Variants in ZMIZ1 observed in about 807,000 individuals in gnomAD.
ZMIZ1 encodes zinc finger MIZ domain-containing protein 1.
In ZMIZ1, 17 loss-of-function variants were observed where a neutral mutation model predicts 113.9. The ratio of observed to expected loss-of-function variants is 0.15; its 90% CI spans 0.10 to 0.22. The LOEUF (loss-of-function observed/expected upper bound fraction) is 0.22. Among genes scored for constraint, ZMIZ1 ranks in the 10% least tolerant of loss-of-function variants. The pLI is 1.00. For missense variants in ZMIZ1, 1,059 were observed against 1,477.8 expected (o/e 0.72, Z 4.65); for synonymous variants, 607 against 603.1 (o/e 1.01, Z -0.09).
At chr10:79,094,728 C>T (rs961409300) in intron 1 of ZMIZ1, among the ~76,000 whole-genome samples, 1 of 152,208 alleles carries the variant, frequency 6.6e-6, no homozygotes, top group Non-Finnish European at 1.5e-5. Context: ...GTGAGCGGAT[C>T]GCTTGAGCTC....
intron 8 of ZMIZ1, among the ~76,000 whole-genome samples, chr10:79,289,027 G>A (rs1853285504): frequency 6.6e-6 from 1 of 152,214 alleles, no homozygotes. Flanking sequence ...TGAGGGAATG[G>A]TGGGGTCCGC....
At chr10:79,305,133 G>C (rs1049380617) in intron 19 of ZMIZ1, 31 bp from the exon 20 acceptor site, 1 of 1,613,530 alleles carries the variant, frequency 6.2e-7, no homozygotes, top group African/African-American at 1.3e-5. Context: ...GACAGTCCTG[G>C]TCTCACCTGT....
intron 9 of ZMIZ1, chr10:79,290,649 A>C (rs1171970190): frequency 5.3e-6 from 3 of 564,382 alleles, no homozygotes; most frequent in Non-Finnish European, 1.0e-5. Context: ...GTACAAGAGC[A>C]GCCTCTTCTC....
intron 1 of ZMIZ1, among the ~76,000 whole-genome samples, chr10:79,076,726 A>G (rs1178426729): frequency 6.6e-6 from 1 of 152,078 alleles, no homozygotes; most frequent in East Asian, 1.9e-4. Flanking sequence ...AGTCCCAGCT[A>G]CTCGAGAGGT....
rs16937042 is a variant in ZMIZ1, at chr10:79,232,920, G to A, written c.280+16646G>A. 7.4e-3 allele frequency among the ~76,000 whole-genome samples: 1,131 copies of A among 152,276 alleles called. 12 individuals are homozygous for A. The highest frequency in any genetic ancestry group is 0.026 in the African/African-American group (1,068 of 41,528). ...CCCCCTGGGGTTCCAAGCATCCAAG[G>A]GGCTAAGTGATAGGAAGTACTGATG... On this transcript the variant is annotated intron_variant, in intron 7 of 24. Transcript: ENST00000334512.
At chr10:79,174,997 C>G (rs986275043) in intron 4 of ZMIZ1, among the ~76,000 whole-genome samples, 1 of 152,226 alleles carries the variant, frequency 6.6e-6, no homozygotes, top group Non-Finnish European at 1.5e-5. Flanking sequence ...TGAGCGTGAG[C>G]TGAGGCTGAG....
intron 3 of ZMIZ1, among the ~76,000 whole-genome samples, chr10:79,155,228 C>T (rs1041410125): frequency 6.6e-6 from 1 of 152,216 alleles, no homozygotes; most frequent in African/African-American, 2.4e-5. Flanking sequence ...AGCCCCATCC[C>T]TCTTCCTCAG....
intron 15 of ZMIZ1, 50 bp from the exon 16 acceptor site, chr10:79,299,000 C>G (rs1451329150): frequency 1.9e-6 from 3 of 1,569,368 alleles, no homozygotes; most frequent in Non-Finnish European, 2.6e-6. Context: ...AGCCCCAGAA[C>G]CCATGGCAGC....
At chr10:79,074,531 A>C (rs150875176) in intron 1 of ZMIZ1, among the ~76,000 whole-genome samples, 247 of 152,314 alleles carry the variant, frequency 1.6e-3, no homozygotes, top group South Asian at 4.1e-3. Context: ...AGGTCTATAC[A>C]TGGGGCTTCA....
rs935009544 is a variant in ZMIZ1, at chr10:79,069,505, G to A, written c.-337+235G>A. 6.6e-6 allele frequency among the ~76,000 whole-genome samples: 1 copy of A among 151,678 alleles called. No individual in the cohort carries two copies. The highest frequency in any genetic ancestry group is 1.5e-5 in the Non-Finnish European group (1 of 67,888). On this transcript the variant is annotated intron_variant, in intron 1 of 24. Coordinates refer to ENST00000334512, the MANE Select transcript of ZMIZ1 (RefSeq NM_020338.4). This position sits in a 1 kb window ranked among gnomAD's most constrained non-coding sequence, Gnocchi z 4.6. ...TGCGCGGAGCCGGCTTGGGCTGCGC[G>A]TGGGGGCCGGGTTTGTCAGGGTGTG...
At chr10:79,165,544 A>C (rs1161057066) in intron 4 of ZMIZ1, among the ~76,000 whole-genome samples, 1 of 152,156 alleles carries the variant, frequency 6.6e-6, no homozygotes, top group Non-Finnish European at 1.5e-5. Flanking sequence ...AATATTCATG[A>C]GTATTCAAGG....
chr10:79,101,435 A>G (rs1843360944), intron 1 of ZMIZ1, among the ~76,000 whole-genome samples: 2 of 152,128 alleles, frequency 1.3e-5, no homozygotes, highest in African/African-American at 4.8e-5. Context: ...GCCAGCAGGG[A>G]TGGACTTTGT....
chr10:79,102,474 G>A (rs1843400093), intron 1 of ZMIZ1, among the ~76,000 whole-genome samples: 1 of 152,250 alleles, frequency 6.6e-6, no homozygotes. Flanking sequence ...AAAGAAATGG[G>A]TGTGTGTGGG....
chr10:79,249,576 G>C (rs1447924541), intron 7 of ZMIZ1, among the ~76,000 whole-genome samples: 1 of 152,212 alleles, frequency 6.6e-6, no homozygotes, highest in Non-Finnish European at 1.5e-5. Flanking sequence ...TTACTGTGCT[G>C]TCCAGTATAG....
At chr10:79,267,591 T>C (rs1171831490) in intron 7 of ZMIZ1, among the ~76,000 whole-genome samples, 2 of 152,216 alleles carry the variant, frequency 1.3e-5, no homozygotes, top group Non-Finnish European at 2.9e-5. Flanking sequence ...CTAAAGTAAC[T>C]TACCCAAGAT....
chr10:79,119,471 A>G (rs1024936236), intron 2 of ZMIZ1, among the ~76,000 whole-genome samples: 1 of 152,240 alleles, frequency 6.6e-6, no homozygotes, highest in Non-Finnish European at 1.5e-5. Context: ...AGCATTGTAC[A>G]TGTGAGAAAA....
At chr10:79,092,810 G>C (rs1383387786) in intron 1 of ZMIZ1, among the ~76,000 whole-genome samples, 1 of 152,208 alleles carries the variant, frequency 6.6e-6, no homozygotes, top group African/African-American at 2.4e-5. Flanking sequence ...CTGGACACCA[G>C]CTGGCAGAGG....
intron 4 of ZMIZ1, among the ~76,000 whole-genome samples, chr10:79,166,681 T>G (rs1846361367): frequency 6.6e-6 from 1 of 152,152 alleles, no homozygotes; most frequent in Non-Finnish European, 1.5e-5. Flanking sequence ...AGAAGTGAGG[T>G]GTACAGGAGC....
intron 7 of ZMIZ1, among the ~76,000 whole-genome samples, chr10:79,260,950 A>G (rs563003422): frequency 9.2e-5 from 14 of 152,338 alleles, no homozygotes; most frequent in African/African-American, 3.1e-4. Flanking sequence ...GAACAGAGAA[A>G]GGAGGCGTGT....
Sources: gnomAD v4.1 joint callset for allele counts (sites outside exome capture counted in the v4.1 genomes callset) on GRCh38, gnomAD v4.1.1 for gene constraint, Gnocchi (gnomAD v3.1) non-coding constraint, MANE v1.5 for transcripts, NCBI Gene and HGNC (gene_info 2026-07-23, HGNC 2026-07-21) for gene names.